EMX2: variants seen among roughly 807,000 people sequenced by gnomAD.
The protein encoded by EMX2 is empty spiracles homeobox 2, also known as homeobox protein EMX2.
In EMX2, 6 loss-of-function variants were observed where a neutral mutation model predicts 23.0. That is an observed-to-expected ratio of 0.26 (90% CI 0.14 to 0.52). The LOEUF (loss-of-function observed/expected upper bound fraction) is 0.52, where lower values mean the gene tolerates loss of function less well. Among genes scored for constraint, EMX2 ranks in the 20% least tolerant of loss-of-function variants. The pLI is 0.97. For synonymous variants in EMX2, 175 were observed against 153.3 expected (o/e 1.14, Z -1.04); for missense variants, 302 against 341.4 (o/e 0.88, Z 0.91).
chr10:117,544,154 A>G (rs958132741), intron 1 of EMX2, among the ~76,000 whole-genome samples: 1 of 152,174 alleles, frequency 6.6e-6, no homozygotes, highest in African/African-American at 2.4e-5. Flanking sequence ...GCGGCTTCTT[A>G]GTCTTCCACC....
chr10:117,547,101 A>G (rs1037915115), intron 2 of EMX2, among the ~76,000 whole-genome samples: 5 of 152,158 alleles, frequency 3.3e-5, no homozygotes, highest in Non-Finnish European at 5.9e-5. Context: ...TGGTGGCTAA[A>G]TGAGGACCCA....
rs865923706 is a variant in EMX2, at chr10:117,548,554, G to A, written c.*322G>A. 2 of 206,540 alleles carry A rather than the reference G, an allele frequency of 9.7e-6. No individual in the cohort carries two copies. The highest frequency in any genetic ancestry group is 2.0e-5 in the Non-Finnish European group (2 of 100,824). The allele number at this position is 206,540 out of a possible 1,614,324, so 12.8% of individuals were successfully genotyped here. On this transcript the variant is annotated 3_prime_UTR_variant, in exon 3 of 3. Transcript: ENST00000553456. ...AGAGAGAGAAAGAGAGAGAAAGAGA[G>A]AGAGAGAGAGAGAGAGAGAAAGCTG...
rs1431285080 is a variant in EMX2, at chr10:117,548,165, T to G, written c.692T>G (p.Ile231Ser). The stretch of plus-strand genomic sequence containing the variant: ...CAAAAGAAAAAAGGGACGCACCATA[T>G]TAACCGGTGGAGAATCGCCACCAAG... Reference protein sequence around the residue: ...SQQKKKGTHHINRWRIATKQA... With the variant: ...SQQKKKGTHHSNRWRIATKQA... The change falls in exon 3 of 3, where the codon ATT (isoleucine) becomes AGT (serine). Residue 231 changes from isoleucine (I) to serine (S), a missense_variant. Ile to Ser is a moderately radical substitution (Grantham distance 142, BLOSUM62 -2). Coordinates refer to ENST00000553456, the MANE Select transcript of EMX2 (RefSeq NM_004098.4). 6.2e-7 allele frequency: 1 copy of G among 1,613,214 alleles called. No homozygotes were observed.
At chr10:117,546,531 T>C (rs575515749) in intron 2 of EMX2, among the ~76,000 whole-genome samples, 2 of 152,306 alleles carry the variant, frequency 1.3e-5, no homozygotes, top group Non-Finnish European at 2.9e-5. Flanking sequence ...TTGGGCAGAC[T>C]AAGTTGTAAC....
intron 2 of EMX2, among the ~76,000 whole-genome samples, chr10:117,547,782 C>T (rs756288971): frequency 3.9e-5 from 6 of 152,214 alleles, no homozygotes; most frequent in Non-Finnish European, 7.3e-5. Flanking sequence ...CTCTGCAGGG[C>T]CAGGAGAGAT....
Position 117,543,466 on chromosome 10 carries a change from C to G in EMX2, c.199C>G (p.Pro67Ala). 1 of 1,609,916 alleles carries G rather than the reference C, an allele frequency of 6.2e-7. No homozygotes were observed. Among genetic ancestry groups the G allele is most frequent in the Non-Finnish European group, 8.5e-7 (1 of 1,178,564 alleles). Residue 67 changes from proline (P) to alanine (A), a missense_variant, in exon 1 of 3, where the codon CCG becomes GCG. Pro to Ala is a conservative substitution (Grantham distance 27). Transcript: ENST00000553456. ...AAAGRGVYSN[P>A]DLVFAEAVSH... ...CGCCGGTAGGGGCGTCTACTCCAAC[C>G]CGGACTTGGTGTTCGCCGAGGCGGT...
In EMX2 at chr10:117,549,538, A is replaced by G. The variant is rs761950028; in HGVS notation, c.*1306A>G. 7 of 152,672 alleles carry G rather than the reference A, an allele frequency of 4.6e-5. No homozygotes were observed. Among genetic ancestry groups the G allele is most frequent in the Non-Finnish European group, 1.0e-4 (7 of 68,048 alleles). 9.5% of individuals were successfully genotyped at this position (152,672 alleles called of 1,614,324 possible). ...ATTTTGTCAATAAAGATTTATCAATATGCCCTCAGAGTAGTCGTCTTGGGA... is the reference window on the plus strand; with the variant it reads ...ATTTTGTCAATAAAGATTTATCAATGTGCCCTCAGAGTAGTCGTCTTGGGA... On this transcript the variant is annotated 3_prime_UTR_variant, in exon 3 of 3. Coordinates refer to ENST00000553456, the MANE Select transcript of EMX2 (RefSeq NM_004098.4).
At chr10:117,547,949 G>A in intron 2 of EMX2, 116 bp from the exon 3 acceptor site, 4 of 1,444,950 alleles carry the variant, frequency 2.8e-6, no homozygotes, top group Non-Finnish European at 2.8e-6. Flanking sequence ...TTGCATCTCG[G>A]GGGCTGGGTC....
chr10:117,548,410 G>T lies in EMX2; in HGVS notation c.*178G>T. On this transcript the variant is annotated 3_prime_UTR_variant, in exon 3 of 3. Transcript: ENST00000553456. ...AAGACTCTGGACAGCGAGGGCACAG[G>T]GTCCCAAACCGAGGCCGCGCCAAGA... 1 of 1,039,862 alleles carries T rather than the reference G, an allele frequency of 9.6e-7. No individual in the cohort carries two copies. Among genetic ancestry groups the T allele is most frequent in the Non-Finnish European group, 1.4e-6 (1 of 736,134 alleles). The allele number at this position is 1,039,862 out of a possible 1,614,324, so 64.4% of individuals were successfully genotyped here.
In EMX2 at chr10:117,548,466, A is replaced by T; in HGVS notation, c.*234A>T. The T allele has an allele frequency of 3.2e-6, 2 of 624,546 alleles. No homozygotes were observed. The highest frequency in any genetic ancestry group is 5.5e-6 in the Non-Finnish European group (2 of 360,368). The allele number at this position is 624,546 out of a possible 1,614,324, so 38.7% of individuals were successfully genotyped here. On this transcript the variant is annotated 3_prime_UTR_variant, in exon 3 of 3. Transcript: ENST00000553456. ...GAGGATGGAGGCTCCTTCATCAACA[A>T]GCGACCCTCGTCTAAAGAGGCAGCT...
rs1589650397 is a variant in EMX2, at chr10:117,548,343, G to T, written c.*111G>T. 17 of 1,436,536 alleles carry T rather than the reference G, an allele frequency of 1.2e-5. No homozygotes were observed. Among genetic ancestry groups the T allele is most frequent in the Non-Finnish European group, 1.5e-5 (16 of 1,062,780 alleles). The allele number at this position is 1,436,536 out of a possible 1,614,324, so 89.0% of individuals were successfully genotyped here. On this transcript the variant is annotated 3_prime_UTR_variant, in exon 3 of 3. Coordinates refer to ENST00000553456, the MANE Select transcript of EMX2 (RefSeq NM_004098.4). ...AAAACAAACCGCATACACGTTCACC[G>T]AGAAAGGGAGAGGGAATCGGAGGGA...
intron 1 of EMX2, chr10:117,544,456 G>A (rs922464800): frequency 4.0e-5 from 6 of 151,890 alleles, no homozygotes; most frequent in African/African-American, 1.2e-4. Flanking sequence ...CATTTCTTGC[G>A]ATATTTTTTA....
Position 117,543,373 on chromosome 10 carries a change from C to T in EMX2, c.106C>T (p.Leu36Phe). The T allele has an allele frequency of 3.2e-6, 5 of 1,572,356 alleles. No individual in the cohort carries two copies. The highest frequency in any genetic ancestry group is 4.3e-6 in the Non-Finnish European group (5 of 1,159,822). The change falls in exon 1 of 3, where the codon CTC (leucine) becomes TTC (phenylalanine). Residue 36 changes from leucine to phenylalanine, a missense_variant. Leu to Phe is a conservative substitution (Grantham distance 22). Coordinates refer to ENST00000553456, the MANE Select transcript of EMX2 (RefSeq NM_004098.4). ...RSEDPIRPAA[L>F]SYANSSPINP... ...CGAGGACCCCATCCGTCCCGCGGCA[C>T]TCAGCTACGCTAACTCCAGCCCCAT...
chr10:117,545,963 A>T (rs1189920587), intron 2 of EMX2, 147 bp downstream of exon 2: 8 of 1,180,874 alleles, frequency 6.8e-6, no homozygotes, highest in Non-Finnish European at 8.5e-6. Flanking sequence ...CTCGGGATGT[A>T]TGTCTCAAGG....
Position 117,545,681 on chromosome 10 carries a change from A to G in EMX2, c.456A>G (p.Arg152=), listed in dbSNP as rs1242964862. Residue 152 remains arginine (R), a synonymous_variant, in exon 2 of 3, where the codon CGA becomes CGG. Coordinates refer to ENST00000553456, the MANE Select transcript of EMX2 (RefSeq NM_004098.4). The part of the protein sequence containing the change: ...ESFLLHNALA[R]KPKRIRTAFS... ...TCCTTTTGCACAACGCGCTGGCCCG[A>G]AAGCCCAAGCGGATCCGAACCGCCT... is the stretch of plus-strand genomic sequence containing the variant. 1.9e-6 allele frequency: 3 copies of G among 1,614,110 alleles called. No individual in the cohort carries two copies. Among genetic ancestry groups the G allele is most frequent in the Non-Finnish European group, 2.5e-6 (3 of 1,180,020 alleles).
chr10:117,543,244 A>G lies in EMX2; in HGVS notation c.-24A>G. On this transcript the variant is annotated 5_prime_UTR_variant, in exon 1 of 3. Transcript: ENST00000553456. ...GGCGGTCGCCAGGAGCTGGGAGCCC[A>G]GGGCGCCCGCTCCTCGGCGCAGCAT... The G allele has an allele frequency of 7.4e-7, 1 of 1,349,884 alleles. No homozygotes were observed. Among genetic ancestry groups the G allele is most frequent in the Non-Finnish European group, 9.7e-7 (1 of 1,025,772 alleles). 83.6% of individuals were successfully genotyped at this position (1,349,884 alleles called of 1,614,324 possible). A position where few individuals can be genotyped will look rare whatever the true frequency, so the allele number is the denominator to read the frequency against.
chr10:117,545,576 C>G (rs1433735190), intron 1 of EMX2, 56 bp from the exon 2 acceptor site: 2 of 1,604,880 alleles, frequency 1.2e-6, no homozygotes, highest in Middle Eastern at 3.8e-4. Context: ...GGGAGAAGTG[C>G]GCGGCTCCGG....
At chr10:117,544,742 A>C (rs1160488566) in intron 1 of EMX2, 2 of 152,200 alleles carry the variant, frequency 1.3e-5, no homozygotes, top group East Asian at 1.9e-4. Flanking sequence ...ATTTGCCTGC[A>C]TCCTGCCTGG....
At position 117,543,431 on chromosome 10, in the gene EMX2, C is replaced by T. The variant is rs764263360; in HGVS notation, c.164C>T (p.Ala55Val). 3 of 1,594,198 alleles carry T rather than the reference C, an allele frequency of 1.9e-6. No individual in the cohort carries two copies. The highest frequency in any genetic ancestry group is 2.3e-5 in the East Asian group (1 of 44,034). ...NPFLNGFHSA[A>V]AAAAGRGVYS... ...TTCCTCAACGGCTTCCACTCGGCCG[C>T]CGCCGCCGCCGCCGGTAGGGGCGTC... Residue 55 changes from alanine (A) to valine (V), a missense_variant, in exon 1 of 3, where the codon GCC (alanine) becomes GTC (valine). This residue lies in a region of EMX2 where 221 missense variants were observed against 206.8 expected (regional missense o/e 1.07). Coordinates refer to ENST00000553456, the MANE Select transcript of EMX2 (RefSeq NM_004098.4).
Sources: gnomAD v4.1 joint callset for allele counts (sites outside exome capture counted in the v4.1 genomes callset) on GRCh38, gnomAD v4.1.1 for gene constraint, gnomAD v4.1.1 regional missense constraint, MANE v1.5 for transcripts, NCBI Gene and HGNC (gene_info 2026-07-23, HGNC 2026-07-21) for gene names.